UGGT2: variants seen among roughly 807,000 people sequenced by gnomAD.
The protein encoded by UGGT2 is UDP-glucose glycoprotein glucosyltransferase 2.
A neutral mutation model predicts 192.1 loss-of-function variants in UGGT2; 180 were observed. That is an observed-to-expected ratio of 0.94 (90% CI 0.83 to 1.06). UGGT2 has a LOEUF of 1.06. Ranked by LOEUF, UGGT2 falls within the 50% of genes least tolerant of loss-of-function variation. UGGT2 has a pLI of 0.00. For missense variants in UGGT2, 1,849 were observed against 1,795.7 expected (o/e 1.03, Z -0.54); for synonymous variants, 580 against 591.0 (o/e 0.98, Z 0.27).
chr13:95,964,097 AT>A (rs1448034546), intron 12 of UGGT2, among the ~76,000 whole-genome samples: 1 of 152,186 alleles, frequency 6.6e-6, no homozygotes, highest in Non-Finnish European at 1.5e-5. Context: ...CCAAAACAGC[AT>A]GGTATTGATA....
intron 5 of UGGT2, among the ~76,000 whole-genome samples, chr13:96,001,363 C>A (rs547736323): frequency 2.6e-5 from 4 of 152,090 alleles, no homozygotes; most frequent in Non-Finnish European, 4.4e-5. Context: ...CACTCCTGCC[C>A]TCCAGAGAAC....
rs553691814 is a variant in UGGT2 at position 96,035,000 on chromosome 13, G to A, written c.159-3029C>T. Among the ~76,000 whole-genome samples the A allele has an allele frequency of 7.9e-5, 12 of 152,318 alleles. 1 individual carries two copies. The highest frequency in any genetic ancestry group is 2.4e-4 in the African/African-American group (10 of 41,566). On this transcript the variant is annotated intron_variant, in intron 1 of 38. Transcript: ENST00000376747. The stretch of plus-strand genomic sequence containing the variant: ...GGTGCTACCAGCCATAGAGGTTTCC[G>A]GCTGGCAAAGCCAAAACCCTTATCA...
intron 1 of UGGT2, among the ~76,000 whole-genome samples, chr13:96,041,137 T>C (rs1032870733): frequency 1.3e-5 from 2 of 152,184 alleles, no homozygotes; most frequent in South Asian, 2.1e-4. Context: ...GAATTGCTCC[T>C]GTAGGACCTG....
intron 38 of UGGT2, among the ~76,000 whole-genome samples, chr13:95,808,918 G>A (rs1329990839): frequency 6.6e-6 from 1 of 152,142 alleles, no homozygotes; most frequent in Non-Finnish European, 1.5e-5. Context: ...AACAACAAGG[G>A]AACAGAAGTA....
chr13:96,003,809 C>T (rs935732382), intron 5 of UGGT2, among the ~76,000 whole-genome samples: 1 of 152,004 alleles, frequency 6.6e-6, no homozygotes. Context: ...AAAAGTGCCC[C>T]GACTGTCAAC....
chr13:95,963,527 C>T (rs529942589), intron 12 of UGGT2, among the ~76,000 whole-genome samples: 3 of 152,140 alleles, frequency 2.0e-5, no homozygotes, highest in Non-Finnish European at 4.4e-5. Flanking sequence ...CAATGTGGTA[C>T]TGGAAGTCCT....
chr13:95,822,128 A>C (rs1274692282), intron 38 of UGGT2, among the ~76,000 whole-genome samples: 1 of 152,134 alleles, frequency 6.6e-6, no homozygotes, highest in Non-Finnish European at 1.5e-5. Context: ...TGGGAATTGC[A>C]TTGAATCTGT....
At chr13:95,946,892 A>G (rs2049888476) in intron 15 of UGGT2, 145 bp downstream of exon 15, 1 of 803,290 alleles carries the variant, frequency 1.2e-6, no homozygotes, top group Admixed American at 3.7e-5. Flanking sequence ...CAAATTCATC[A>G]TCTGTATTAA....
At chr13:95,991,456 AAT>A (rs1238096936) in intron 7 of UGGT2, 1 of 454,812 alleles carries the variant, frequency 2.2e-6, no homozygotes, top group Non-Finnish European at 4.4e-6. Context: ...ACGTATTTTC[AAT>A]AGTCAATAGA....
chr13:95,833,101 A>G, intron 37 of UGGT2, 48 bp from the exon 38 acceptor site: 1 of 1,594,284 alleles, frequency 6.3e-7, no homozygotes, highest in Non-Finnish European at 8.6e-7. Context: ...GCTCCTGGAA[A>G]CATAAGGACA....
intron 1 of UGGT2, among the ~76,000 whole-genome samples, chr13:96,035,800 T>C (rs1450369515): frequency 6.6e-6 from 1 of 151,972 alleles, no homozygotes; most frequent in African/African-American, 2.4e-5. Context: ...CCAACAAACA[T>C]GAAAAAAAGC....
chr13:95,854,607 T>C (rs1218906624), intron 34 of UGGT2, 132 bp from the exon 35 acceptor site: 2 of 708,334 alleles, frequency 2.8e-6, no homozygotes, highest in East Asian at 6.2e-5. Flanking sequence ...TGCTTTCATG[T>C]AATATGAATT....
chr13:95,945,946 T>C (rs1213405253), intron 15 of UGGT2, among the ~76,000 whole-genome samples: 2 of 152,176 alleles, frequency 1.3e-5, no homozygotes, highest in Admixed American at 6.5e-5. Context: ...TGGAAATTCC[T>C]TTCTCAGTTG....
intron 38 of UGGT2, among the ~76,000 whole-genome samples, chr13:95,829,510 T>C (rs536563394): frequency 6.6e-6 from 1 of 152,262 alleles, no homozygotes; most frequent in African/African-American, 2.4e-5. Flanking sequence ...ATCACAAGCA[T>C]TCCTATACAC....
chr13:95,894,212 T>C (rs992710373), intron 24 of UGGT2, among the ~76,000 whole-genome samples: 1 of 152,152 alleles, frequency 6.6e-6, no homozygotes, highest in African/African-American at 2.4e-5. Flanking sequence ...TAATCAGAAC[T>C]CTTCAGTCAC....
chr13:95,962,386 CAAAA>C (rs780711853), intron 12 of UGGT2, among the ~76,000 whole-genome samples: 5 of 151,828 alleles, frequency 3.3e-5, no homozygotes, highest in Non-Finnish European at 5.9e-5. Context: ...ATCATATAAA[CAAAA>C]AAGATCATCA....
Position 95,900,880 on chromosome 13 carries a change from C to T in UGGT2, c.2561G>A (p.Arg854Gln), listed in dbSNP as rs754066863. The T allele has an allele frequency of 7.5e-6, 12 of 1,610,728 alleles. No homozygotes were observed. The highest frequency in any genetic ancestry group is 1.7e-5 in the Admixed American group (1 of 59,392). Residue 854 changes from arginine to glutamine, a missense_variant, in exon 22 of 39, where the codon CGA becomes CAA. By Grantham distance (43) the Arg-to-Gln change is conservative (BLOSUM62 1). Coordinates refer to ENST00000376747, the MANE Select transcript of UGGT2 (RefSeq NM_020121.4). Reference protein sequence around the residue: ...KYNTVGVNIFRTHQLFCQDVL... With the variant: ...KYNTVGVNIFQTHQLFCQDVL... ...ATCTTGACAGAACAACTGGTGAGTT[C>T]GAAAAATATTCACTCCAACAGTATT...
chr13:95,894,950 A>G (rs931838284), intron 23 of UGGT2, among the ~76,000 whole-genome samples: 3 of 152,276 alleles, frequency 2.0e-5, no homozygotes, highest in Non-Finnish European at 2.9e-5. Context: ...ACTGGGGTGG[A>G]TGGGTAAGAA....
chr13:95,824,929 T>A (rs989369951), intron 38 of UGGT2, among the ~76,000 whole-genome samples: 1 of 152,158 alleles, frequency 6.6e-6, no homozygotes, highest in Admixed American at 6.6e-5. Context: ...CTTTATTTTT[T>A]ATTTGACAGC....
Sources: gnomAD v4.1 joint callset for allele counts (sites outside exome capture counted in the v4.1 genomes callset) on GRCh38, gnomAD v4.1.1 for gene constraint, MANE v1.5 for transcripts, NCBI Gene and HGNC (gene_info 2026-07-23, HGNC 2026-07-21) for gene names.